The following FSHR variants were observed in gnomAD, a reference collection of about 807,000 sequenced individuals.
The protein encoded by FSHR is follicle-stimulating hormone receptor.
In FSHR, 46 loss-of-function variants were observed where a neutral mutation model predicts 52.1. The ratio of observed to expected loss-of-function variants is 0.88; its 90% CI spans 0.70 to 1.13. FSHR has a LOEUF of 1.13. Ranked by LOEUF, FSHR falls within the 50% of genes most tolerant of loss-of-function variation. FSHR has a pLI of 0.00. For synonymous variants in FSHR, 399 were observed against 309.6 expected (o/e 1.29, Z -3.03); for missense variants, 964 against 834.6 (o/e 1.16, Z -1.91).
intron 1 of FSHR, among the ~76,000 whole-genome samples, chr2:49,080,853 T>A (rs1246761646): frequency 2.0e-5 from 3 of 152,114 alleles, no homozygotes; most frequent in Non-Finnish European, 4.4e-5. Flanking sequence ...GCCATCTCCT[T>A]TACAGGGTTC....
At chr2:48,969,368 C>A (rs556980697) in intron 8 of FSHR, among the ~76,000 whole-genome samples, 1 of 152,320 alleles carries the variant, frequency 6.6e-6, no homozygotes, top group South Asian at 2.1e-4. Context: ...AAGAGTCTGG[C>A]AGGCGGTAGG....
At chr2:49,046,911 A>G (rs1478106757) in intron 2 of FSHR, among the ~76,000 whole-genome samples, 1 of 152,186 alleles carries the variant, frequency 6.6e-6, no homozygotes, top group Non-Finnish European at 1.5e-5. Context: ...GCTTCATCCC[A>G]CAGACATACA....
At chr2:49,062,843 A>G (rs557837168) in intron 2 of FSHR, among the ~76,000 whole-genome samples, 3 of 152,262 alleles carry the variant, frequency 2.0e-5, no homozygotes, top group South Asian at 2.1e-4. Context: ...AATGCAAATC[A>G]AACCATGATA....
At chr2:49,033,696 C>T (rs113144216) in intron 2 of FSHR, among the ~76,000 whole-genome samples, 1 of 152,102 alleles carries the variant, frequency 6.6e-6, no homozygotes, top group Non-Finnish European at 1.5e-5. Context: ...CCTCCTCCCC[C>T]CTGTTCCCTA....
At chr2:49,140,207 G>A (rs1000458388) in intron 1 of FSHR, among the ~76,000 whole-genome samples, 2 of 152,096 alleles carry the variant, frequency 1.3e-5, no homozygotes, top group Non-Finnish European at 2.9e-5. Context: ...TCATGGGGGT[G>A]GATCCCTCAT....
intron 2 of FSHR, among the ~76,000 whole-genome samples, chr2:49,033,286 T>A (rs903257471): frequency 1.2e-4 from 19 of 152,076 alleles, no homozygotes; most frequent in African/African-American, 4.1e-4. Flanking sequence ...TTGAGTGTGA[T>A]TTTTTTTCAT....
chr2:49,065,285 G>A (rs1198453965), intron 2 of FSHR, among the ~76,000 whole-genome samples: 1 of 152,116 alleles, frequency 6.6e-6, no homozygotes, highest in African/African-American at 2.4e-5. Context: ...TGGCAGCAGA[G>A]TGGCAGGAAG....
intron 4 of FSHR, among the ~76,000 whole-genome samples, chr2:49,013,505 T>TATATATATATAAATATATATAAAA (rs1667365473): frequency 6.8e-5 from 5 of 73,920 alleles, no homozygotes; most frequent in Non-Finnish European, 2.0e-4. Flanking sequence ...TATATAAATA[T>TATATATATATAAATATATATAAAA]ATATATATAT....
At chr2:49,100,969 T>G (rs1671005078) in intron 1 of FSHR, among the ~76,000 whole-genome samples, 1 of 152,112 alleles carries the variant, frequency 6.6e-6, no homozygotes, top group African/African-American at 2.4e-5. Flanking sequence ...AAGTAGAGAA[T>G]TTTTAAAAGC....
intron 2 of FSHR, among the ~76,000 whole-genome samples, chr2:49,049,122 G>T (rs952149021): frequency 6.6e-6 from 1 of 151,452 alleles, no homozygotes; most frequent in African/African-American, 2.4e-5. Context: ...TTTTTAACTC[G>T]AGTATTATGC....
chr2:49,112,650 G>A (rs530747257), intron 1 of FSHR, among the ~76,000 whole-genome samples: 1 of 152,148 alleles, frequency 6.6e-6, no homozygotes, highest in African/African-American at 2.4e-5. Flanking sequence ...GAGAGTGTTA[G>A]ATGTGAAGAT....
At chr2:49,017,584 T>C (rs764510894) in intron 3 of FSHR, 21 bp from the exon 4 acceptor site, 2 of 1,570,556 alleles carry the variant, frequency 1.3e-6, no homozygotes, top group Admixed American at 1.7e-5. Flanking sequence ...AGAAAAAACA[T>C]GCTAGTGATC....
At chr2:49,000,217 G>A (rs1247126685) in intron 4 of FSHR, among the ~76,000 whole-genome samples, 3 of 152,058 alleles carry the variant, frequency 2.0e-5, no homozygotes, top group Non-Finnish European at 1.5e-5. Context: ...GTGTAACTAC[G>A]CTAGGGTTGT....
At position 49,109,897 on chromosome 2, in the gene FSHR, G is replaced by T. The variant is rs544794033; in HGVS notation, c.153-41607C>A. ...ACTTCTAAGAAATCAAGACAAATCT[G>T]TTTTGATGGGACTAGAGATAAAGAG... On this transcript the variant is annotated intron_variant, in intron 1 of 9. Transcript: ENST00000406846. Among the ~76,000 whole-genome samples the T allele has an allele frequency of 7.9e-5, 12 of 152,226 alleles. No individual in the cohort carries two copies. The East Asian group carries it at 2.3e-3, about 29-fold the overall frequency.
chr2:48,964,192 A>G (rs973276624), intron 9 of FSHR, among the ~76,000 whole-genome samples: 11 of 152,058 alleles, frequency 7.2e-5, no homozygotes, highest in African/African-American at 2.4e-4. Context: ...CTCACTGGGG[A>G]AACCATCTTG....
At position 49,127,855 on chromosome 2, in the gene FSHR, TC is replaced by T. The variant is rs1558456865; in HGVS notation, c.152+26410del. Among the ~76,000 whole-genome samples, 54 of 33,804 alleles carry T rather than the reference TC, an allele frequency of 1.6e-3. 3 individuals carry two copies. Among genetic ancestry groups the T allele is most frequent in the African/African-American group, 0.012 (44 of 3,770 alleles). The allele number at this position is 33,804 out of a possible 152,430, so 22.2% of individuals were successfully genotyped here. On this transcript the variant is annotated intron_variant, in intron 1 of 9. Transcript: ENST00000406846. ...CTCTTCTTCTTCTTCTTCTTCTTCT[TC>T]TTCTTCTTCTTCTTCTTCTTCTTCT...
intron 3 of FSHR, among the ~76,000 whole-genome samples, chr2:49,018,468 T>A (rs1667574854): frequency 6.6e-6 from 1 of 152,188 alleles, no homozygotes; most frequent in African/African-American, 2.4e-5. Context: ...TCATTTTAAG[T>A]ACAGTCAGTG....
At chr2:48,983,898 C>T (rs1264964540) in intron 6 of FSHR, among the ~76,000 whole-genome samples, 2 of 152,058 alleles carry the variant, frequency 1.3e-5, no homozygotes, top group Non-Finnish European at 2.9e-5. Context: ...AGCAGGGTTC[C>T]CTGGACAGGG....
chr2:49,129,551 C>CT (rs35465003), intron 1 of FSHR, among the ~76,000 whole-genome samples: 1 of 152,124 alleles, frequency 6.6e-6, no homozygotes, highest in African/African-American at 2.4e-5. Flanking sequence ...ACAGATGGGC[C>CT]TTTTTGTGTA....
Sources: gnomAD v4.1 joint callset for allele counts (sites outside exome capture counted in the v4.1 genomes callset) on GRCh38, gnomAD v4.1.1 for gene constraint, MANE v1.5 for transcripts, NCBI Gene and HGNC (gene_info 2026-07-23, HGNC 2026-07-21) for gene names.